Variants in MACROD2 observed in about 807,000 individuals in gnomAD.
The protein encoded by MACROD2 is mono-ADP ribosylhydrolase 2, also known as ADP-ribose glycohydrolase MACROD2.
In MACROD2, 36 loss-of-function variants were observed where a neutral mutation model predicts 70.4. The ratio of observed to expected loss-of-function variants is 0.51; its 90% confidence interval spans 0.39 to 0.68. The LOEUF (loss-of-function observed/expected upper bound fraction) is 0.68. Among genes scored for constraint, MACROD2 ranks in the 30% least tolerant of loss-of-function variants. MACROD2 has a pLI of 0.00. For missense variants in MACROD2, 496 were observed against 538.4 expected, an observed-to-expected ratio of 0.92 and a Z score of 0.78; for synonymous variants, 172 against 178.8, an observed-to-expected ratio of 0.96 and a Z score of 0.30.
chr20:15,968,797 GTATATATATATA>G (rs35259261), intron 13 of MACROD2, among the ~76,000 whole-genome samples: 6,500 of 106,768 alleles, frequency 0.061, 246 homozygotes, highest in East Asian at 0.13. Context: ...TATATTATGC[GTATATATATATA>G]TATATATATA....
At chr20:15,724,899 G>A (rs1600809859) in intron 8 of MACROD2, among the ~76,000 whole-genome samples, 1 of 152,042 alleles carries the variant, frequency 6.6e-6, no homozygotes, top group African/African-American at 2.4e-5. Context: ...TGGCTAACAC[G>A]GTGAAACCCC....
At chr20:15,428,686 T>C (rs375082218) in intron 6 of MACROD2, among the ~76,000 whole-genome samples, 2 of 152,146 alleles carry the variant, frequency 1.3e-5, no homozygotes, top group African/African-American at 4.8e-5. Context: ...AGTATATGTG[T>C]TTAACTTTAA....
intron 4 of MACROD2, among the ~76,000 whole-genome samples, chr20:14,596,491 T>G (rs1342023786): frequency 6.9e-6 from 1 of 144,224 alleles, no homozygotes; most frequent in Non-Finnish European, 1.6e-5. Context: ...TGAGGACTAA[T>G]TTTTTTGAAT....
At chr20:14,640,702 A>G (rs931602811) in intron 4 of MACROD2, among the ~76,000 whole-genome samples, 1 of 152,232 alleles carries the variant, frequency 6.6e-6, no homozygotes, top group African/African-American at 2.4e-5. Flanking sequence ...TTCCCAGCGC[A>G]TATGGAATTT....
chr20:15,483,762 C>T (rs990168094), intron 7 of MACROD2, among the ~76,000 whole-genome samples: 11 of 151,878 alleles, frequency 7.2e-5, no homozygotes, highest in African/African-American at 1.9e-4. Flanking sequence ...GAGTTGTCCT[C>T]ATATAGATCT....
At chr20:15,847,468 A>G (rs2064246348) in intron 8 of MACROD2, among the ~76,000 whole-genome samples, 1 of 152,218 alleles carries the variant, frequency 6.6e-6, no homozygotes, top group Non-Finnish European at 1.5e-5. Flanking sequence ...TTCCTGCTGA[A>G]ATGCAAACCA....
At chr20:15,312,133 G>A (rs929548885) in intron 6 of MACROD2, among the ~76,000 whole-genome samples, 8 of 152,142 alleles carry the variant, frequency 5.3e-5, no homozygotes, top group Non-Finnish European at 1.2e-4. Context: ...AGACTAGAGA[G>A]ACTATCTTTG....
chr20:15,989,724 C>T (rs996093786), intron 15 of MACROD2, among the ~76,000 whole-genome samples: 5 of 151,778 alleles, frequency 3.3e-5, no homozygotes, highest in Non-Finnish European at 7.4e-5. Flanking sequence ...GTAAACAAAA[C>T]AAATGAGTAT....
chr20:15,927,166 A>G (rs771632645), intron 10 of MACROD2, among the ~76,000 whole-genome samples: 6 of 152,188 alleles, frequency 3.9e-5, no homozygotes, highest in South Asian at 2.1e-4. Context: ...GCTGAGATAG[A>G]TATCATACTT....
chr20:14,168,502 G>GT (rs1274479685), intron 3 of MACROD2, among the ~76,000 whole-genome samples: 2 of 152,080 alleles, frequency 1.3e-5, no homozygotes, highest in African/African-American at 4.8e-5. Flanking sequence ...AGGTTTCCAT[G>GT]TTATTAGCAC....
At chr20:15,974,095 G>A (rs2066270517) in intron 13 of MACROD2, among the ~76,000 whole-genome samples, 2 of 152,134 alleles carry the variant, frequency 1.3e-5, no homozygotes. Flanking sequence ...CAATGAAACA[G>A]ATGAAAGAGT....
intron 5 of MACROD2, among the ~76,000 whole-genome samples, chr20:14,832,490 C>A (rs1158838527): frequency 6.6e-6 from 1 of 151,832 alleles, no homozygotes; most frequent in African/African-American, 2.4e-5. Flanking sequence ...TGATGCAACC[C>A]CCTCACTGCT....
intron 3 of MACROD2, among the ~76,000 whole-genome samples, chr20:14,339,020 T>C (rs532134071): frequency 1.3e-5 from 2 of 152,342 alleles, no homozygotes; most frequent in African/African-American, 4.8e-5. Context: ...CTTTGTCCTT[T>C]CTCAATTTTT....
chr20:15,298,189 G>A (rs1363405432), intron 6 of MACROD2, among the ~76,000 whole-genome samples: 1 of 152,118 alleles, frequency 6.6e-6, no homozygotes, highest in African/African-American at 2.4e-5. Flanking sequence ...TCTCAGGGTT[G>A]GTTTCTTCCT....
At chr20:16,005,437 G>A (rs763817849) in intron 15 of MACROD2, among the ~76,000 whole-genome samples, 1 of 152,134 alleles carries the variant, frequency 6.6e-6, no homozygotes, top group Non-Finnish European at 1.5e-5. Context: ...AAAGCTAAAC[G>A]CAGGCTGTTC....
chr20:15,712,953 A>G (rs1469050239), intron 8 of MACROD2, among the ~76,000 whole-genome samples: 1 of 152,236 alleles, frequency 6.6e-6, no homozygotes, highest in Non-Finnish European at 1.5e-5. Flanking sequence ...CTTCACCTCC[A>G]CTATTCTCAC....
chr20:14,596,236 C>T (rs1291872251), intron 4 of MACROD2, among the ~76,000 whole-genome samples: 1 of 151,618 alleles, frequency 6.6e-6, no homozygotes, highest in Non-Finnish European at 1.5e-5. Context: ...CATACAGGCG[C>T]CCGCCACCAA....
chr20:15,446,981 C>G (rs1343211328), intron 7 of MACROD2, among the ~76,000 whole-genome samples: 1 of 151,804 alleles, frequency 6.6e-6, no homozygotes, highest in Non-Finnish European at 1.5e-5. Flanking sequence ...AAATACTTGA[C>G]TTGAAAGACT....
intron 8 of MACROD2, among the ~76,000 whole-genome samples, chr20:15,712,801 A>G (rs1206107624): frequency 6.6e-6 from 1 of 152,228 alleles, no homozygotes; most frequent in Non-Finnish European, 1.5e-5. Context: ...AAAGCTGTCC[A>G]CATGTCTTAC....
Sources: gnomAD v4.1 joint callset for allele counts (sites outside exome capture counted in the v4.1 genomes callset) on GRCh38, gnomAD v4.1.1 for gene constraint, MANE v1.5 for transcripts, NCBI Gene and HGNC (gene_info 2026-07-23, HGNC 2026-07-21) for gene names.